ATP6AP2: variants seen among roughly 807,000 people sequenced by gnomAD.
ATP6AP2 encodes the protein renin receptor.
A neutral mutation model predicts 23.4 loss-of-function variants in ATP6AP2; 1 was observed. The ratio of observed to expected loss-of-function variants is 0.04; its 90% CI spans 0.02 to 0.20. The LOEUF (loss-of-function observed/expected upper bound fraction) is 0.20, where lower values mean the gene tolerates loss of function less well. Among genes scored for constraint, ATP6AP2 ranks in the 10% least tolerant of loss-of-function variants. ATP6AP2 has a pLI of 1.00. For missense variants in ATP6AP2, 174 were observed against 271.3 expected (o/e 0.64, Z 2.52); for synonymous variants, 90 against 97.1 (o/e 0.93, Z 0.43).
chrX:40,593,053 G>A (rs778172277), intron 3 of ATP6AP2, among the ~76,000 whole-genome samples: 1 of 112,014 alleles, frequency 8.9e-6, no homozygotes, highest in Non-Finnish European at 1.9e-5. Context: ...TCCGAGACCA[G>A]CCTGGCCAAC....
At chrX:40,591,563 G>A (rs768856867) in intron 3 of ATP6AP2, 198 bp downstream of exon 3, 150 of 454,254 alleles carry the variant, frequency 3.3e-4, no homozygotes, top group Non-Finnish European at 5.1e-4. Flanking sequence ...GCTGTTCTCT[G>A]TGGATGAGAG....
chrX:40,597,493 T>C, intron 4 of ATP6AP2, 34 bp from the exon 5 acceptor site: 1 of 1,200,077 alleles, frequency 8.3e-7, no homozygotes, highest in Non-Finnish European at 1.1e-6. Flanking sequence ...TCTGTAGAAT[T>C]TGAGCAACTT....
chrX:40,600,684 T>A, intron 7 of ATP6AP2, 78 bp from the exon 8 acceptor site: 1 of 1,027,083 alleles, frequency 9.7e-7, no homozygotes, highest in Non-Finnish European at 1.3e-6. Context: ...GATAAATATA[T>A]ATGATTTTAA....
intron 3 of ATP6AP2, among the ~76,000 whole-genome samples, chrX:40,594,751 C>T (rs748430877): frequency 4.5e-4 from 51 of 112,530 alleles, no homozygotes; most frequent in African/African-American, 1.5e-3. Context: ...AATAGATGCA[C>T]TCCTAAATAA....
chrX:40,597,061 TG>T, intron 3 of ATP6AP2, 187 bp from the exon 4 acceptor site: 1 of 431,577 alleles, frequency 2.3e-6, no homozygotes, highest in South Asian at 3.5e-5. Context: ...GATACAGACT[TG>T]GCTTACCAGG....
chrX:40,595,403 T>C (rs1483346591), intron 3 of ATP6AP2, among the ~76,000 whole-genome samples: 2 of 112,458 alleles, frequency 1.8e-5, no homozygotes, highest in African/African-American at 6.5e-5. Context: ...GTACAGAAAT[T>C]TGAGGACAGA....
Position 40,598,670 on chromosome X carries a change from G to C in ATP6AP2, c.535-11G>C. On this transcript the variant is annotated splice_polypyrimidine_tract_variant and intron_variant, in intron 5 of 8. Transcript: ENST00000636580. ...TTAAAAGAATGCTCTTTTTTTTTGG[G>C]CTCTCTGAAGGTTGACCTGCTCTTT... The C allele has an allele frequency of 1.7e-6, 2 of 1,206,571 alleles. No homozygotes were observed. Among genetic ancestry groups the C allele is most frequent in the Non-Finnish European group, 2.2e-6 (2 of 892,251 alleles).
intron 1 of ATP6AP2, among the ~76,000 whole-genome samples, chrX:40,582,355 G>A (rs1158301778): frequency 2.7e-5 from 3 of 112,113 alleles, no homozygotes; most frequent in Non-Finnish European, 5.6e-5. Context: ...TTGAGCCCGG[G>A]AGGCGGAGGT....
chrX:40,591,182 G>A (rs867735518), intron 2 of ATP6AP2, 52 bp from the exon 3 acceptor site: 1 of 1,204,794 alleles, frequency 8.3e-7, no homozygotes. Flanking sequence ...TATTGGGGAG[G>A]TGGGTTCCTG....
At chrX:40,591,211 G>A (rs780486262) in intron 2 of ATP6AP2, 23 bp from the exon 3 acceptor site, 4 of 1,207,130 alleles carry the variant, frequency 3.3e-6, no homozygotes, top group African/African-American at 3.5e-5. Context: ...ATTAAGCACC[G>A]CTTTGTGCTT....
chrX:40,590,823 C>T, intron 2 of ATP6AP2: 1 of 136,668 alleles, frequency 7.3e-6, no homozygotes, highest in Non-Finnish European at 1.5e-5. Flanking sequence ...TTTTAATGAC[C>T]ATCTTGCTAT....
chrX:40,582,754 A>T (rs1226180338), intron 1 of ATP6AP2, among the ~76,000 whole-genome samples: 2 of 112,387 alleles, frequency 1.8e-5, no homozygotes, highest in Non-Finnish European at 3.8e-5. Context: ...CTGAACATCT[A>T]TTGAGATTCC....
chrX:40,603,135 T>C (rs1234805688), intron 8 of ATP6AP2, among the ~76,000 whole-genome samples: 3 of 107,516 alleles, frequency 2.8e-5, no homozygotes, highest in Non-Finnish European at 5.7e-5. Context: ...GGTTTTACCA[T>C]GTTGGCCAGG....
At chrX:40,604,852 C>G (rs1250784297) in intron 8 of ATP6AP2, among the ~76,000 whole-genome samples, 2 of 110,131 alleles carry the variant, frequency 1.8e-5, no homozygotes, top group Admixed American at 9.8e-5. Context: ...CTCAGGCTGA[C>G]AAATGTAGCT....
chrX:40,595,761 TCTCTTCCCC>T (rs1926761667), intron 3 of ATP6AP2: 2 of 112,145 alleles, frequency 1.8e-5, no homozygotes. Context: ...AACTTTGAAC[TCTCTTCCCC>T]CTCTTCACTT....
Position 40,589,026 on chromosome X carries a change from G to T in ATP6AP2, c.78G>T (p.Gly26=), listed in dbSNP as rs1310594045. 1 of 1,209,777 alleles carries T rather than the reference G, an allele frequency of 8.3e-7. No individual in the cohort carries two copies. The highest frequency in any genetic ancestry group is 1.7e-5 in the African/African-American group (1 of 57,727). ...AGTTTAGTATATTAAAATCACCAGG[G>T]TCTGTTGTTTTCCGAAATGGAAATT... is the stretch of plus-strand genomic sequence containing the variant. ...GNEFSILKSP[G]SVVFRNGNWP... The change falls in exon 2 of 9, where the codon GGG becomes GGT. Residue 26 remains glycine, a synonymous_variant. Transcript: ENST00000636580.
intron 8 of ATP6AP2, chrX:40,605,270 T>C (rs144609085): frequency 5.6e-4 from 167 of 299,885 alleles, no homozygotes; most frequent in African/African-American, 4.0e-3. Flanking sequence ...GGTACACATA[T>C]AGAAATTTTC....
chrX:40,583,332 G>A (rs1220774660), intron 1 of ATP6AP2, among the ~76,000 whole-genome samples: 1 of 111,706 alleles, frequency 9.0e-6, no homozygotes, highest in Non-Finnish European at 1.9e-5. Context: ...ACTTAGCCCA[G>A]ACTGGGGAGG....
intron 3 of ATP6AP2, among the ~76,000 whole-genome samples, chrX:40,593,233 C>T (rs976459974): frequency 9.2e-6 from 1 of 108,662 alleles, no homozygotes; most frequent in African/African-American, 3.4e-5. Context: ...GGTGACAGAG[C>T]GAGACTCCAT....
Sources: allele counts gnomAD v4.1 joint callset (sites outside exome capture counted in the v4.1 genomes callset), GRCh38; gene constraint gnomAD v4.1.1; transcripts MANE v1.5; gene names NCBI Gene and HGNC (gene_info 2026-07-23, HGNC 2026-07-21).